Variants in GNB1 observed in about 807,000 individuals in gnomAD.
The protein encoded by GNB1 is guanine nucleotide-binding protein G(I)/G(S)/G(T) subunit beta-1.
GNB1 carries 2 observed loss-of-function variants against 42.9 expected under a neutral mutation model. That is an observed-to-expected ratio of 0.05 (90% CI 0.02 to 0.15). GNB1 has a LOEUF of 0.15. Among genes scored for constraint, GNB1 ranks in the 10% least tolerant of loss-of-function variants. The probability of loss-of-function intolerance (pLI) is 1.00; values close to 1 mark genes in which losing one functional copy is unlikely to be tolerated. For missense variants in GNB1, 193 were observed against 462.2 expected, an observed-to-expected ratio of 0.42 and a Z score of 5.34; for synonymous variants, 183 against 174.7, an observed-to-expected ratio of 1.05 and a Z score of -0.38.
Position 1,805,978 on chromosome 1 carries a change from C to G in GNB1, c.267+497G>C, listed in dbSNP as rs185747427. Among the ~76,000 whole-genome samples, 9 of 152,324 alleles carry G rather than the reference C, an allele frequency of 5.9e-5. No individual in the cohort carries two copies. In the East Asian group the frequency reaches 1.7e-3, roughly 29 times the overall value. On this transcript the variant is annotated intron_variant, in intron 6 of 11. Transcript: ENST00000378609. ...ATTTAGTATTCTTTAGTAAAATAAA[C>G]TGAATTACATCTTTTACATACATGT...
chr1:1,875,998 A>G (rs1286223754), intron 1 of GNB1, among the ~76,000 whole-genome samples: 1 of 152,188 alleles, frequency 6.6e-6, no homozygotes, highest in Non-Finnish European at 1.5e-5. Flanking sequence ...GACACTGAGA[A>G]AAGCCCACGT....
chr1:1,845,630 T>C (rs761711483), intron 1 of GNB1, among the ~76,000 whole-genome samples: 50 of 151,930 alleles, frequency 3.3e-4, no homozygotes, highest in Non-Finnish European at 2.9e-5. Flanking sequence ...AAAATATTAA[T>C]ATGGATATGT....
chr1:1,797,929 C>T (rs139696770), intron 7 of GNB1, among the ~76,000 whole-genome samples: 1 of 152,322 alleles, frequency 6.6e-6, no homozygotes, highest in Non-Finnish European at 1.5e-5. Flanking sequence ...ACTAGTCCTC[C>T]TCCGACAGGT....
Position 1,805,777 on chromosome 1 carries a change from G to C in GNB1, c.267+698C>G, listed in dbSNP as rs373566056. On this transcript the variant is annotated intron_variant, in intron 6 of 11. Coordinates refer to ENST00000378609, the MANE Select transcript of GNB1 (RefSeq NM_002074.5). ...GGCTGGTCTCAAACTCCTGACCTCA[G>C]GTGATCCACCTGCTTCAGCCTCCCA... Among the ~76,000 whole-genome samples, 11 of 152,082 alleles carry C rather than the reference G, an allele frequency of 7.2e-5. No individual in the cohort carries two copies. The East Asian group carries it at 7.8e-4, about 11-fold the overall frequency.
intron 1 of GNB1, among the ~76,000 whole-genome samples, chr1:1,882,331 G>A (rs901647063): frequency 6.6e-6 from 1 of 151,278 alleles, no homozygotes; most frequent in Admixed American, 6.6e-5. Context: ...GGGAGGCTGA[G>A]GCAGGAGAAG....
intron 1 of GNB1, among the ~76,000 whole-genome samples, chr1:1,852,431 G>C (rs373552796): frequency 6.6e-6 from 1 of 151,902 alleles, no homozygotes; most frequent in Non-Finnish European, 1.5e-5. Flanking sequence ...GGTGTTTCAC[G>C]ATGTTAGCCA....
At chr1:1,833,555 TC>T (rs1647105137) in intron 2 of GNB1, among the ~76,000 whole-genome samples, 1 of 152,082 alleles carries the variant, frequency 6.6e-6, no homozygotes, top group Non-Finnish European at 1.5e-5. Context: ...CTGTAGAGCC[TC>T]AGCATGGTGC....
chr1:1,860,525 T>C (rs1648561634), intron 1 of GNB1, among the ~76,000 whole-genome samples: 3 of 151,600 alleles, frequency 2.0e-5, no homozygotes. Flanking sequence ...TAGTCCCAGC[T>C]ACCTGGGAGG....
rs34812880 is a variant in GNB1 at position 1,836,387 on chromosome 1, CTTTTTTTT to C, written c.-47+2795_-47+2802del. Among the ~76,000 whole-genome samples, 21 of 85,160 alleles carry C rather than the reference CTTTTTTTT, an allele frequency of 2.5e-4. No homozygotes were observed. In the South Asian group the frequency reaches 3.3e-3, roughly 13 times the overall value. 55.9% of individuals were successfully genotyped at this position (85,160 alleles called of 152,430 possible). A position where few individuals can be genotyped will look rare whatever the true frequency, so the allele number is the denominator to read the frequency against. On this transcript the variant is annotated intron_variant, in intron 2 of 11. Coordinates refer to ENST00000378609, the MANE Select transcript of GNB1 (RefSeq NM_002074.5). ...TGGGTTACCTGTTTTCTTAATATTGCTTTTTTTTTTTTTTTTTTTTTTGACACAGGGTC... is the reference window on the plus strand; with the variant it reads ...TGGGTTACCTGTTTTCTTAATATTGCTTTTTTTTTTTTTTGACACAGGGTC...
intron 5 of GNB1, among the ~76,000 whole-genome samples, chr1:1,808,730 A>G (rs1646736009): frequency 6.6e-6 from 1 of 151,804 alleles, no homozygotes; most frequent in Non-Finnish European, 1.5e-5. Context: ...TGCAACCTCT[A>G]TCTCCTGGGT....
intron 8 of GNB1, among the ~76,000 whole-genome samples, chr1:1,791,166 C>T (rs1646476388): frequency 8.5e-6 from 1 of 117,612 alleles, no homozygotes; most frequent in African/African-American, 2.9e-5. Context: ...AGTGATCACA[C>T]CTGGTATTTT....
chr1:1,866,939 G>A (rs1298291624), intron 1 of GNB1, among the ~76,000 whole-genome samples: 1 of 150,792 alleles, frequency 6.6e-6, no homozygotes, highest in South Asian at 2.1e-4. Flanking sequence ...GGGGCACACA[G>A]GGAGACTCCA....
At chr1:1,798,684 AGACTGGATCAGAG>A (rs896906168) in intron 7 of GNB1, among the ~76,000 whole-genome samples, 4 of 152,160 alleles carry the variant, frequency 2.6e-5, no homozygotes, top group African/African-American at 9.7e-5. Flanking sequence ...TAAAAATCTG[AGACTGGATCAGAG>A]GGCTGGAAAT....
intron 1 of GNB1, among the ~76,000 whole-genome samples, chr1:1,887,846 C>A (rs1650242206): frequency 2.6e-5 from 4 of 152,134 alleles, no homozygotes; most frequent in Admixed American, 2.6e-4. Flanking sequence ...AACTCCCAGC[C>A]TCATGTGATC....
At chr1:1,828,894 T>TACACACATAC (rs1553198165) in intron 2 of GNB1, among the ~76,000 whole-genome samples, 5 of 149,730 alleles carry the variant, frequency 3.3e-5, no homozygotes, top group Non-Finnish European at 5.9e-5. Flanking sequence ...CATACACACA[T>TACACACATAC]ACACACACAC....
chr1:1,851,358 C>T (rs371212306), intron 1 of GNB1, among the ~76,000 whole-genome samples: 5 of 149,466 alleles, frequency 3.3e-5, no homozygotes, highest in Non-Finnish European at 5.9e-5. Flanking sequence ...TGCAGTGAGC[C>T]GAGATTGCAC....
chr1:1,807,947 G>A (rs1212080922), intron 5 of GNB1, among the ~76,000 whole-genome samples: 3 of 152,084 alleles, frequency 2.0e-5, no homozygotes, highest in Non-Finnish European at 4.4e-5. Flanking sequence ...CTGACCTCGT[G>A]ATCTGCCCAC....
chr1:1,865,280 A>C (rs78333201), intron 1 of GNB1, among the ~76,000 whole-genome samples: 49 of 141,118 alleles, frequency 3.5e-4, no homozygotes, highest in South Asian at 1.3e-3. Flanking sequence ...AAAAAAAAAC[A>C]AAAAAAAACC....
At chr1:1,789,333 A>G (rs1646449807) in intron 9 of GNB1, 64 bp from the exon 10 acceptor site, 1 of 906,646 alleles carries the variant, frequency 1.1e-6, no homozygotes, top group African/African-American at 1.6e-5. Flanking sequence ...GGGAATATGG[A>G]TTGCTCAATG....
Sources: gnomAD v4.1 joint callset for allele counts (sites outside exome capture counted in the v4.1 genomes callset) on GRCh38, gnomAD v4.1.1 for gene constraint, MANE v1.5 for transcripts, NCBI Gene and HGNC (gene_info 2026-07-23, HGNC 2026-07-21) for gene names.